Variants in CNTN5 observed in about 807,000 individuals in gnomAD.
CNTN5 encodes contactin-5.
Under a neutral mutation model 129.1 loss-of-function variants are expected in CNTN5, and 77 were observed. That is an observed-to-expected ratio of 0.60 (90% CI 0.50 to 0.72). CNTN5 has a LOEUF of 0.72. CNTN5 is among the 30% of genes least tolerant of loss of function. The pLI is 0.00. For synonymous variants in CNTN5, 509 were observed against 465.6 expected, an observed-to-expected ratio of 1.09 and a Z score of -1.20; for missense variants, 1,478 against 1,328.8, an observed-to-expected ratio of 1.11 and a Z score of -1.75.
At chr11:99,639,380 C>T (rs1441971594) in intron 3 of CNTN5, among the ~76,000 whole-genome samples, 2 of 152,156 alleles carry the variant, frequency 1.3e-5, no homozygotes, top group Non-Finnish European at 2.9e-5. Flanking sequence ...TCCCCATAGT[C>T]TTGAGGATGA....
At chr11:100,047,255 G>A (rs2137716814) in intron 9 of CNTN5, among the ~76,000 whole-genome samples, 1 of 105,798 alleles carries the variant, frequency 9.5e-6, no homozygotes, top group East Asian at 4.6e-4. Context: ...AAACCTCTTT[G>A]AACACCATGG....
chr11:99,968,656 C>CTTTT (rs71050037), intron 8 of CNTN5, among the ~76,000 whole-genome samples: 7 of 73,906 alleles, frequency 9.5e-5, no homozygotes, highest in Middle Eastern at 0.011. Flanking sequence ...GCTTTGGGTA[C>CTTTT]TTTTTTTTTT....
chr11:100,146,741 C>A (rs1591313354), intron 13 of CNTN5, among the ~76,000 whole-genome samples: 1 of 151,900 alleles, frequency 6.6e-6, no homozygotes, highest in Non-Finnish European at 1.5e-5. Flanking sequence ...TCATTTTTTC[C>A]TAATAATTTT....
intron 9 of CNTN5, among the ~76,000 whole-genome samples, chr11:100,057,622 T>G (rs2137784229): frequency 6.6e-6 from 1 of 152,006 alleles, no homozygotes; most frequent in African/African-American, 2.4e-5. Flanking sequence ...TTTGGAGGAA[T>G]AAACAAATAT....
At chr11:99,994,463 T>C (rs966713900) in intron 8 of CNTN5, among the ~76,000 whole-genome samples, 72 of 152,318 alleles carry the variant, frequency 4.7e-4, no homozygotes, top group African/African-American at 1.7e-3. Context: ...TCTCCTAAGA[T>C]CTCTTTAGAC....
At chr11:99,912,370 C>G (rs1949683779) in intron 6 of CNTN5, among the ~76,000 whole-genome samples, 1 of 151,906 alleles carries the variant, frequency 6.6e-6, no homozygotes, top group Admixed American at 6.6e-5. Context: ...GGCTTATATA[C>G]CTATTTGGTG....
chr11:99,027,870 A>G (rs1045474868), intron 1 of CNTN5, among the ~76,000 whole-genome samples: 2 of 151,722 alleles, frequency 1.3e-5, no homozygotes, highest in African/African-American at 4.8e-5. Flanking sequence ...ATATTTAAAG[A>G]TGGCGCGATA....
At chr11:99,629,403 C>T (rs1408095436) in intron 3 of CNTN5, among the ~76,000 whole-genome samples, 2 of 152,028 alleles carry the variant, frequency 1.3e-5, no homozygotes, top group South Asian at 4.1e-4. Flanking sequence ...TGTTTGAGGT[C>T]TTTACTCTTC....
chr11:99,906,469 C>A (rs1949509819), intron 6 of CNTN5, among the ~76,000 whole-genome samples: 1 of 152,078 alleles, frequency 6.6e-6, no homozygotes, highest in Non-Finnish European at 1.5e-5. Context: ...GTTGAACCAG[C>A]CTTGAATACC....
At position 99,764,005 on chromosome 11, in the gene CNTN5, AT is replaced by A. The variant is rs1026040603; in HGVS notation, c.56-55531del. On this transcript the variant is annotated intron_variant, in intron 3 of 24. Coordinates refer to ENST00000524871, the MANE Select transcript of CNTN5 (RefSeq NM_014361.4). ...TTCAAATAACCATGATATTTATATT[AT>A]TTTTTTTCCAAAAGAATGATACAGT... is the stretch of plus-strand genomic sequence containing the variant. Among the ~76,000 whole-genome samples, 4 of 151,912 alleles carry A rather than the reference AT, an allele frequency of 2.6e-5. 1 individual carries two copies. Among genetic ancestry groups the A allele is most frequent in the South Asian group, 4.1e-4 (2 of 4,820 alleles).
At position 99,958,478 on chromosome 11, in the gene CNTN5, C is replaced by G. The variant is rs183245933; in HGVS notation, c.877+1469C>G. 2.5e-3 allele frequency among the ~76,000 whole-genome samples: 374 copies of G among 152,250 alleles called. 6 individuals are homozygous for G. Among genetic ancestry groups the G allele is most frequent in the Non-Finnish European group, 1.2e-3 (81 of 68,018 alleles). On this transcript the variant is annotated intron_variant, in intron 8 of 24. Coordinates refer to ENST00000524871, the MANE Select transcript of CNTN5 (RefSeq NM_014361.4). ...AGTTTTGAATATGAGATACAGGGTA[C>G]ATGGGAAATCCATGTGAAAATTGGG...
chr11:99,150,818 C>A (rs375148930), intron 1 of CNTN5, among the ~76,000 whole-genome samples: 233 of 152,096 alleles, frequency 1.5e-3, no homozygotes, highest in African/African-American at 5.2e-3. Context: ...TTTTCTTCTC[C>A]TATATCCCTA....
chr11:99,311,317 A>C (rs150309487), intron 1 of CNTN5, among the ~76,000 whole-genome samples: 1 of 152,218 alleles, frequency 6.6e-6, no homozygotes, highest in East Asian at 1.9e-4. Flanking sequence ...TGATTTGCTA[A>C]ATTTCTGTCA....
intron 1 of CNTN5, among the ~76,000 whole-genome samples, chr11:99,190,669 C>T (rs1216686208): frequency 6.6e-6 from 1 of 151,136 alleles, no homozygotes; most frequent in Non-Finnish European, 1.5e-5. Flanking sequence ...GGATTGTTTT[C>T]TTGATTTCTT....
chr11:99,845,502 A>G (rs1947661292), intron 6 of CNTN5, among the ~76,000 whole-genome samples: 1 of 147,376 alleles, frequency 6.8e-6, no homozygotes, highest in Non-Finnish European at 1.5e-5. Flanking sequence ...CCTCCCAAGT[A>G]GCTGGGACTA....
intron 1 of CNTN5, among the ~76,000 whole-genome samples, chr11:99,233,279 T>C (rs1190775666): frequency 6.6e-6 from 1 of 152,222 alleles, no homozygotes; most frequent in Non-Finnish European, 1.5e-5. Context: ...TCATATAAAG[T>C]TGCTTTTTCT....
chr11:99,732,164 A>G (rs1943556530), intron 3 of CNTN5, among the ~76,000 whole-genome samples: 1 of 152,182 alleles, frequency 6.6e-6, no homozygotes, highest in South Asian at 2.1e-4. Flanking sequence ...GGTTTATGCA[A>G]AGAAGTTGTT....
intron 1 of CNTN5, among the ~76,000 whole-genome samples, chr11:99,156,063 C>G (rs933818052): frequency 6.6e-6 from 1 of 151,926 alleles, no homozygotes; most frequent in Non-Finnish European, 1.5e-5. Context: ...AACCCCAAAA[C>G]AATGCCTAGA....
chr11:99,692,177 T>G (rs667315), intron 3 of CNTN5, among the ~76,000 whole-genome samples: 72,600 of 151,946 alleles, frequency 0.48, 17,774 homozygotes, highest in Middle Eastern at 0.54. Flanking sequence ...ATATGAATGG[T>G]TCGTGGTTCT....
Sources: allele counts gnomAD v4.1 joint callset (sites outside exome capture counted in the v4.1 genomes callset), GRCh38; gene constraint gnomAD v4.1.1; transcripts MANE v1.5; gene names NCBI Gene and HGNC (gene_info 2026-07-23, HGNC 2026-07-21).